CHRAC1: variants seen among roughly 807,000 people sequenced by gnomAD.
CHRAC1 encodes the protein chromatin accessibility complex subunit 1.
A neutral mutation model predicts 9.1 loss-of-function variants in CHRAC1; 6 were observed. The ratio of observed to expected loss-of-function variants is 0.66; its 90% confidence interval spans 0.36 to 1.29. The LOEUF (loss-of-function observed/expected upper bound fraction) is 1.29, where lower values mean the gene tolerates loss of function less well. Ranked by LOEUF, CHRAC1 falls within the 50% of genes most tolerant of loss-of-function variation. The probability of loss-of-function intolerance (pLI) is 0.03; values close to 1 mark genes in which losing one functional copy is unlikely to be tolerated. For missense variants in CHRAC1, 168 were observed against 163.5 expected, an observed-to-expected ratio of 1.03 and a Z score of -0.15; for synonymous variants, 73 against 64.5, an observed-to-expected ratio of 1.13 and a Z score of -0.63.
Position 140,514,469 on chromosome 8 carries a change from A to C in CHRAC1, c.248A>C (p.Gln83Pro). Residue 83 changes from glutamine to proline, a missense_variant, in exon 2 of 3, where the codon CAA becomes CCA. Transcript: ENST00000220913. ...TYSDLANTAQ[Q>P]SETFQFLADI... is the part of the protein sequence containing the mutation. Reference sequence around the variant, plus strand: ...AGTGATTTAGCAAACACTGCACAGCAATCAGAAACTTTTCAGTTTCTTGCA... The same window carrying C: ...AGTGATTTAGCAAACACTGCACAGCCATCAGAAACTTTTCAGTTTCTTGCA... The C allele has an allele frequency of 6.4e-7, 1 of 1,559,812 alleles. No individual in the cohort carries two copies. The highest frequency in any genetic ancestry group is 8.6e-7 in the Non-Finnish European group (1 of 1,163,384).
At chr8:140,514,761 C>G (rs2072316998) in intron 2 of CHRAC1, 2 of 377,302 alleles carry the variant, frequency 5.3e-6, no homozygotes, top group Non-Finnish European at 9.5e-6. Flanking sequence ...GTCCTTTACT[C>G]TCTACAGGGA....
rs972147761 is a variant in CHRAC1 at position 140,516,389 on chromosome 8, C to G, written c.*1142C>G. 1.3e-5 allele frequency: 2 copies of G among 152,028 alleles called. No homozygotes were observed. The highest frequency in any genetic ancestry group is 2.9e-5 in the Non-Finnish European group (2 of 68,006). The allele number at this position is 152,028 out of a possible 1,614,324, so 9.4% of individuals were successfully genotyped here. On this transcript the variant is annotated 3_prime_UTR_variant, in exon 3 of 3. Coordinates refer to ENST00000220913, the MANE Select transcript of CHRAC1 (RefSeq NM_017444.6). ...TCTCAAACTCCTAACCTCAACTGAT[C>G]CACCTGCCTCAGCCTCCCAAAGTGC...
At chr8:140,513,854 A>G (rs7831847) in intron 1 of CHRAC1, among the ~76,000 whole-genome samples, 12,153 of 149,666 alleles carry the variant, frequency 0.081, 1,709 homozygotes, top group African/African-American at 0.28. Context: ...TTCTCCGCCA[A>G]TTTTGATACT....
rs940732836 is a variant in CHRAC1 at position 140,511,344 on chromosome 8, G to C, written c.-156G>C. On this transcript the variant is annotated 5_prime_UTR_variant, in exon 1 of 3. Transcript: ENST00000220913. The stretch of plus-strand genomic sequence containing the variant: ...GGCCTCACGGAGCTCGTAGTTTCCC[G>C]GACGGGCCGCTCCCGGCCTCGCGGC... The C allele has an allele frequency of 1.6e-5, 9 of 563,422 alleles. No individual in the cohort carries two copies. The highest frequency in any genetic ancestry group is 2.0e-5 in the African/African-American group (1 of 51,126). The allele number at this position is 563,422 out of a possible 1,614,324, so 34.9% of individuals were successfully genotyped here. A position where few individuals can be genotyped will look rare whatever the true frequency, so the allele number is the denominator to read the frequency against.
intron 2 of CHRAC1, 162 bp from the exon 3 acceptor site, chr8:140,514,964 G>T: frequency 2.9e-6 from 2 of 683,222 alleles, no homozygotes; most frequent in Admixed American, 2.5e-5. Flanking sequence ...AGGAGACAAT[G>T]CTAGTTTCTT....
At position 140,514,313 on chromosome 8, in the gene CHRAC1, T is replaced by C. The variant is rs557846998; in HGVS notation, c.148-56T>C. The C allele has an allele frequency of 5.2e-6, 8 of 1,544,180 alleles. No individual in the cohort carries two copies. In the African/African-American group the frequency reaches 1.1e-4, roughly 22 times the overall value. ...CAACAATGTAATTTTAAAAATTAAT[T>C]TCTGTGGTACATTTTCAAAGCACAC... is the stretch of plus-strand genomic sequence containing the variant. On this transcript the variant is annotated intron_variant, in intron 1 of 2. Transcript: ENST00000220913.
In CHRAC1 at chr8:140,515,299, C is replaced by T. The variant is rs1466953978; in HGVS notation, c.*52C>T. ...GGCGAGGACAGCCCTGGACCCACTC[C>T]ACTGTCTCTAAGTAAACACAGCACT... On this transcript the variant is annotated 3_prime_UTR_variant, in exon 3 of 3. Transcript: ENST00000220913. The T allele has an allele frequency of 6.3e-7, 1 of 1,589,562 alleles. No individual in the cohort carries two copies. Among genetic ancestry groups the T allele is most frequent in the Non-Finnish European group, 8.6e-7 (1 of 1,168,144 alleles).
chr8:140,511,987 C>T (rs1466885358), intron 1 of CHRAC1: 3 of 1,277,340 alleles, frequency 2.3e-6, no homozygotes, highest in Admixed American at 2.3e-5. Flanking sequence ...ACCCCACTGT[C>T]CTCCCGCCGT....
At chr8:140,514,800 G>T in intron 2 of CHRAC1, 1 of 358,582 alleles carries the variant, frequency 2.8e-6, no homozygotes, top group Non-Finnish European at 5.0e-6. Context: ...GGAAAACTCA[G>T]GGTGGGTCTA....
intron 2 of CHRAC1, 76 bp from the exon 3 acceptor site, chr8:140,515,050 G>A (rs2072319244): frequency 1.4e-6 from 2 of 1,424,274 alleles, no homozygotes; most frequent in East Asian, 2.3e-5. Flanking sequence ...GCAGGAACTA[G>A]TACATTTTGA....
At chr8:140,512,626 A>G (rs1433600079) in intron 1 of CHRAC1, among the ~76,000 whole-genome samples, 1 of 152,328 alleles carries the variant, frequency 6.6e-6, no homozygotes, top group East Asian at 1.9e-4. Context: ...AGTTAAGTAT[A>G]TGATGTCCCT....
In CHRAC1 at chr8:140,516,758, C is replaced by T. The variant is rs778451396; in HGVS notation, c.*1511C>T. ...TGCAGTCAAGTCACTACCACCACCA[C>T]AATTAACAGCTATATCACCCTCCAG... On this transcript the variant is annotated 3_prime_UTR_variant, in exon 3 of 3. Transcript: ENST00000220913. The T allele has an allele frequency of 1.1e-4, 17 of 152,236 alleles. No individual in the cohort carries two copies. The highest frequency in any genetic ancestry group is 2.2e-4 in the Non-Finnish European group (15 of 68,050). 9.4% of individuals were successfully genotyped at this position (152,236 alleles called of 1,614,324 possible). A position where few individuals can be genotyped will look rare whatever the true frequency, so the allele number is the denominator to read the frequency against.
At chr8:140,512,662 A>G (rs569019059) in intron 1 of CHRAC1, among the ~76,000 whole-genome samples, 2 of 152,300 alleles carry the variant, frequency 1.3e-5, no homozygotes, top group Non-Finnish European at 2.9e-5. Context: ...AACTAAGGGA[A>G]GTGGGAAATT....
rs1468044989 is a variant in CHRAC1, at chr8:140,516,441, A to AGG, written c.*1194_*1195insGG. 3 of 152,194 alleles carry AGG rather than the reference A, an allele frequency of 2.0e-5. No individual in the cohort carries two copies. Among genetic ancestry groups the AGG allele is most frequent in the African/African-American group, 7.2e-5 (3 of 41,448 alleles). The allele number at this position is 152,194 out of a possible 1,614,324, so 9.4% of individuals were successfully genotyped here. ...GCCGGGATTACAGGCGTGAGCCACC[A>AGG]TGCCTGGCCTTCATTATCTCTTTTT... On this transcript the variant is annotated 3_prime_UTR_variant, in exon 3 of 3. Coordinates refer to ENST00000220913, the MANE Select transcript of CHRAC1 (RefSeq NM_017444.6).
rs768670892 is a variant in CHRAC1 at position 140,511,619 on chromosome 8, G to A, written c.120G>A (p.Glu40=). The change falls in exon 1 of 3, where the codon GAG becomes GAA. Residue 40 remains glutamate (E), a synonymous_variant. Transcript: ENST00000220913. ...CCGAGGTGTCCAGCATCAACCAGGAGGCGTTGGTGCTCACGGCCAAGGCCA... is the reference window on the plus strand; with the variant it reads ...CCGAGGTGTCCAGCATCAACCAGGAAGCGTTGGTGCTCACGGCCAAGGCCA... ...SSPEVSSINQ[E]ALVLTAKATE... 1.4e-6 allele frequency: 2 copies of A among 1,457,952 alleles called. No homozygotes were observed. Among genetic ancestry groups the A allele is most frequent in the African/African-American group, 1.5e-5 (1 of 68,588 alleles). The allele number at this position is 1,457,952 out of a possible 1,614,324, so 90.3% of individuals were successfully genotyped here. A position where few individuals can be genotyped will look rare whatever the true frequency, so the allele number is the denominator to read the frequency against.
chr8:140,513,507 C>A (rs2072302457), intron 1 of CHRAC1, among the ~76,000 whole-genome samples: 1 of 152,108 alleles, frequency 6.6e-6, no homozygotes, highest in Non-Finnish European at 1.5e-5. Context: ...GCGATCTCGG[C>A]TCACTGCAAG....
chr8:140,511,508 C>G lies in CHRAC1; in HGVS notation c.9C>G (p.Asp3Glu). The G allele has an allele frequency of 7.5e-7, 1 of 1,340,024 alleles. No homozygotes were observed. Among genetic ancestry groups the G allele is most frequent in the Non-Finnish European group, 9.7e-7 (1 of 1,035,514 alleles). The allele number at this position is 1,340,024 out of a possible 1,614,324, so 83.0% of individuals were successfully genotyped here. The change falls in exon 1 of 3, where the codon GAC becomes GAG. Residue 3 changes from aspartate (D) to glutamate (E), a missense_variant. Physicochemically the swap from Asp to Glu is conservative, Grantham distance 45. Coordinates refer to ENST00000220913, the MANE Select transcript of CHRAC1 (RefSeq NM_017444.6). ...GCGCGACGGGCGGGAAGATGGCGGA[C>G]GTGGTCGTGGGTAAAGACAAGGGCG... is the stretch of plus-strand genomic sequence containing the variant. MA[D>E]VVVGKDKGGE...
rs115021637 is a variant in CHRAC1, at chr8:140,516,961, A to C, written c.*1714A>C. On this transcript the variant is annotated 3_prime_UTR_variant, in exon 3 of 3. Coordinates refer to ENST00000220913, the MANE Select transcript of CHRAC1 (RefSeq NM_017444.6). ...TGCTGCTGAACTCAGCTGTTGTAGC[A>C]CGAAAGCAGCCAGGTAATTACTAGA... is the stretch of plus-strand genomic sequence containing the variant. 1.4e-3 allele frequency: 216 copies of C among 152,306 alleles called. No homozygotes were observed. The highest frequency in any genetic ancestry group is 4.8e-3 in the African/African-American group (201 of 41,562). The allele number at this position is 152,306 out of a possible 1,614,324, so 9.4% of individuals were successfully genotyped here.
chr8:140,512,050 G>A (rs747154578), intron 1 of CHRAC1: 1 of 1,280,440 alleles, frequency 7.8e-7, no homozygotes, highest in Non-Finnish European at 1.0e-6. Context: ...TCCTCTGCGC[G>A]CCTTTCGTCC....
Sources: gnomAD v4.1 joint callset for allele counts (sites outside exome capture counted in the v4.1 genomes callset) on GRCh38, gnomAD v4.1.1 for gene constraint, MANE v1.5 for transcripts, NCBI Gene and HGNC (gene_info 2026-07-23, HGNC 2026-07-21) for gene names.